Variants in ATAT1 observed in about 807,000 individuals in gnomAD.
ATAT1 encodes alpha tubulin acetyltransferase 1, also known as alpha-tubulin N-acetyltransferase 1.
A neutral mutation model predicts 57.2 loss-of-function variants in ATAT1; 42 were observed. That is an observed-to-expected ratio of 0.73 (90% CI 0.57 to 0.95). ATAT1 has a LOEUF of 0.95. Ranked by LOEUF, ATAT1 falls within the 40% of genes least tolerant of loss-of-function variation. The probability of loss-of-function intolerance (pLI) is 0.00; values close to 1 mark genes in which losing one functional copy is unlikely to be tolerated. For synonymous variants in ATAT1, 168 were observed against 187.1 expected, an observed-to-expected ratio of 0.90 and a Z score of 0.83; for missense variants, 454 against 523.7, an observed-to-expected ratio of 0.87 and a Z score of 1.30.
At chr6:30,628,572 A>G in intron 6 of ATAT1, 142 bp downstream of exon 6, 3 of 712,848 alleles carry the variant, frequency 4.2e-6, no homozygotes, top group Non-Finnish European at 4.6e-6. Flanking sequence ...TTGTGGTACC[A>G]TCTCTCATCC....
At chr6:30,643,128 G>C (rs1258828963) in intron 10 of ATAT1, 117 bp downstream of exon 10, 16 of 1,511,374 alleles carry the variant, frequency 1.1e-5, no homozygotes, top group African/African-American at 7.0e-5. Context: ...GGCTTGGGGG[G>C]GGTCCTGAAA....
intron 12 of ATAT1, 128 bp downstream of exon 12, chr6:30,646,237 C>T: frequency 6.7e-7 from 1 of 1,482,664 alleles, no homozygotes; most frequent in Non-Finnish European, 9.0e-7. Flanking sequence ...CCCACAATTC[C>T]TTCTACCTTA....
Position 30,642,833 on chromosome 6 carries a change from G to GGGGGGGGGCGCCCCCCCCCCCCCC in ATAT1, c.754_755insGGGGGGGGCGCCCCCCCCCCCCCC (p.Ala252delinsGlyGlyGlyArgProProProProPro). On this transcript the variant is annotated protein_altering_variant, in exon 10 of 13. Transcript: ENST00000330083. ...GGCCCCTCGCCGCGCCACACCTCCA[G>GGGGGGGGGCGCCCCCCCCCCCCCC]CCCACCCACCCCCCCGCTCCAGCAG... 6.5e-7 allele frequency: 1 copy of GGGGGGGGGCGCCCCCCCCCCCCCC among 1,537,876 alleles called. No individual in the cohort carries two copies. The highest frequency in any genetic ancestry group is 8.7e-7 in the Non-Finnish European group (1 of 1,145,782).
chr6:30,628,278 G>C lies in ATAT1; in HGVS notation c.400-51G>C, dbSNP rs750945580. On this transcript the variant is annotated intron_variant, in intron 5 of 12. Transcript: ENST00000330083. ...CTTCCCAGGCTTCTGGCTTCCTGTT[G>C]GCATGCTTTCCCCATACTTCCTCCT... 8 of 1,577,632 alleles carry C rather than the reference G, an allele frequency of 5.1e-6. No individual in the cohort carries two copies. In the African/African-American group the frequency reaches 8.1e-5, roughly 16 times the overall value.
rs3214092 is a variant in ATAT1 at position 30,643,122 on chromosome 6, T to TGG, written c.932+118_932+119dup. ...AGATGGATCAATAAGATGGGTGGCT[T>TGG]GGGGGGGGTCCTGAAACCTTTCAAG... On this transcript the variant is annotated intron_variant, in intron 10 of 12. Transcript: ENST00000330083. The TGG allele has an allele frequency of 4.0e-6, 6 of 1,509,978 alleles. No individual in the cohort carries two copies. The African/African-American group carries it at 7.0e-5, about 18-fold the overall frequency. 93.5% of individuals were successfully genotyped at this position (1,509,978 alleles called of 1,614,324 possible).
chr6:30,634,358 C>A (rs1477027085), intron 6 of ATAT1, among the ~76,000 whole-genome samples: 1 of 151,880 alleles, frequency 6.6e-6, no homozygotes, highest in Non-Finnish European at 1.5e-5. Flanking sequence ...TCAAGTGATT[C>A]TCCTGCCTCA....
At chr6:30,636,706 A>G (rs188591751) in intron 6 of ATAT1, among the ~76,000 whole-genome samples, 354 of 152,222 alleles carry the variant, frequency 2.3e-3, no homozygotes, top group Admixed American at 5.5e-3. Context: ...ATGGGCTGGT[A>G]GACATTACAA....
Position 30,642,833 on chromosome 6 carries a change from G to GGGGCCCCCCCCC in ATAT1, c.754_755insGGGCCCCCCCCC (p.Ala252delinsGlyAlaProProPro). The GGGGCCCCCCCCC allele has an allele frequency of 2.6e-6, 4 of 1,537,870 alleles. No homozygotes were observed. Among genetic ancestry groups the GGGGCCCCCCCCC allele is most frequent in the African/African-American group, 1.6e-5 (1 of 61,252 alleles). On this transcript the variant is annotated protein_altering_variant, in exon 10 of 13. Coordinates refer to ENST00000330083, the MANE Select transcript of ATAT1 (RefSeq NM_001031722.4). ...GGCCCCTCGCCGCGCCACACCTCCA[G>GGGGCCCCCCCCC]CCCACCCACCCCCCCGCTCCAGCAG...
chr6:30,629,670 G>A (rs981017453), intron 6 of ATAT1, among the ~76,000 whole-genome samples: 13 of 152,048 alleles, frequency 8.5e-5, no homozygotes, highest in Admixed American at 2.0e-4. Flanking sequence ...TCAGCCTCCC[G>A]AGTAGCTGGG....
chr6:30,641,285 A>T (rs1765382051), intron 8 of ATAT1, among the ~76,000 whole-genome samples: 1 of 152,132 alleles, frequency 6.6e-6, no homozygotes, highest in Admixed American at 6.6e-5. Context: ...TGTAACCACC[A>T]TCCAAACAGC....
chr6:30,642,047 C>T (rs1765560597), intron 8 of ATAT1, 129 bp from the exon 9 acceptor site: 8 of 1,558,910 alleles, frequency 5.1e-6, no homozygotes, highest in Admixed American at 1.8e-5. Flanking sequence ...TGGTGCTGCT[C>T]CTGCAAGTTC....
In ATAT1 at chr6:30,640,385, C is replaced by T; in HGVS notation, c.510C>T (p.Asn170=). ...TTTGTTTCATCTTCCAGGTGAACAA[C>T]TTTGTGATCTTTGAAGGCTTCTTTG... is the stretch of plus-strand genomic sequence containing the variant. The change falls in exon 7 of 13, where the codon AAC becomes AAT. Residue 170 remains asparagine (N), a synonymous_variant. Coordinates refer to ENST00000330083, the MANE Select transcript of ATAT1 (RefSeq NM_001031722.4). 2 of 1,613,024 alleles carry T rather than the reference C, an allele frequency of 1.2e-6. No homozygotes were observed. Among genetic ancestry groups the T allele is most frequent in the Non-Finnish European group, 1.7e-6 (2 of 1,180,032 alleles).
chr6:30,633,168 G>A (rs978412292), intron 6 of ATAT1, among the ~76,000 whole-genome samples: 3 of 152,194 alleles, frequency 2.0e-5, no homozygotes, highest in Non-Finnish European at 4.4e-5. Context: ...GCCAAAGCCT[G>A]AGCAGCTGGA....
chr6:30,644,388 G>A (rs1766207113), intron 10 of ATAT1: 1 of 985,046 alleles, frequency 1.0e-6, no homozygotes, highest in African/African-American at 1.8e-5. Flanking sequence ...GTCGAGATGA[G>A]ATGGGGGACC....
chr6:30,643,361 G>A lies in ATAT1; in HGVS notation c.932+350G>A, dbSNP rs1047228318. 9 of 1,451,134 alleles carry A rather than the reference G, an allele frequency of 6.2e-6. 1 individual carries two copies. The allele number at this position is 1,451,134 out of a possible 1,614,324, so 89.9% of individuals were successfully genotyped here. On this transcript the variant is annotated intron_variant, in intron 10 of 12. Coordinates refer to ENST00000330083, the MANE Select transcript of ATAT1 (RefSeq NM_001031722.4). ...GGGAAGGGGCAGTGTCTGACAGAGA[G>A]TGGGAAGCCACTGGCTTGTGTGCCA... is the stretch of plus-strand genomic sequence containing the variant.
chr6:30,638,600 GTC>G (rs1311897314), intron 6 of ATAT1, among the ~76,000 whole-genome samples: 1 of 150,526 alleles, frequency 6.6e-6, no homozygotes, highest in African/African-American at 2.4e-5. Context: ...TTGAGACGGA[GTC>G]TCTCTCTGTC....
At chr6:30,643,693 TCTA>T in intron 10 of ATAT1, 1 of 1,491,988 alleles carries the variant, frequency 6.7e-7, no homozygotes, top group Non-Finnish European at 9.0e-7. Context: ...GATTCCCTCT[TCTA>T]CTTTCTTAGA....
chr6:30,640,457 G>A (rs149132710), intron 7 of ATAT1, 35 bp downstream of exon 7: 22 of 1,612,690 alleles, frequency 1.4e-5, no homozygotes, highest in Non-Finnish European at 1.6e-5. Flanking sequence ...ACGTAGTCGG[G>A]GTGAGGGAAA....
chr6:30,645,868 C>G, intron 10 of ATAT1, 27 bp from the exon 11 acceptor site: 1 of 1,451,110 alleles, frequency 6.9e-7, no homozygotes, highest in Non-Finnish European at 9.1e-7. Context: ...GTAGCCTCCT[C>G]CCCATCATCT....
Sources: allele counts gnomAD v4.1 joint callset (sites outside exome capture counted in the v4.1 genomes callset), GRCh38; gene constraint gnomAD v4.1.1; transcripts MANE v1.5; gene names NCBI Gene and HGNC (gene_info 2026-07-23, HGNC 2026-07-21).